ZNF514: variants seen among roughly 807,000 people sequenced by gnomAD.
ZNF514 encodes zinc finger protein 514.
In ZNF514, 12 loss-of-function variants were observed where a neutral mutation model predicts 9.7. The ratio of observed to expected loss-of-function variants is 1.24; its 90% CI spans 0.79 to 2.01. The LOEUF is 2.01. Ranked by LOEUF, ZNF514 falls within the 30% of genes most tolerant of loss-of-function variation. ZNF514 has a pLI of 0.00. For synonymous variants in ZNF514, 158 were observed against 163.7 expected, an observed-to-expected ratio of 0.97 and a Z score of 0.27; for missense variants, 467 against 465.5, an observed-to-expected ratio of 1.00 and a Z score of -0.03.
chr2:95,123,521 T>C, the ZNF514 span, among the ~76,000 whole-genome samples: 8 of 152,292 alleles, frequency 5.3e-5, 1 homozygote, highest in Admixed American at 5.2e-4. Flanking sequence ...GCTGTCCACT[T>C]TCAGGTGATA....
downstream of ZNF514, among the ~76,000 whole-genome samples, chr2:95,141,817 C>T (rs1030776957): frequency 6.6e-6 from 1 of 152,126 alleles, no homozygotes; most frequent in Non-Finnish European, 1.5e-5. Flanking sequence ...AGAATTGACA[C>T]AACAAGATGG....
the ZNF514 span, among the ~76,000 whole-genome samples, chr2:95,135,930 C>T: frequency 2.0e-5 from 3 of 151,362 alleles, no homozygotes; most frequent in Admixed American, 1.3e-4. Flanking sequence ...ATTAGCCATG[C>T]GTGGTGGCCT....
chr2:95,146,686 G>A lies in ZNF514; in HGVS notation c.*2596C>T, dbSNP rs1249733403. ...AGGGCAGGACACTGGGTTCAAACTG[G>A]TAAGTATGGTTAATATGGCAAGGAT... On this transcript the variant is annotated 3_prime_UTR_variant, in exon 5 of 5. Transcript: ENST00000295208. Among the ~76,000 whole-genome samples, 30 of 150,732 alleles carry A rather than the reference G, an allele frequency of 2.0e-4. No homozygotes were observed. Among genetic ancestry groups the A allele is most frequent in the Admixed American group, 1.3e-3 (19 of 15,020 alleles).
chr2:95,128,608 G>C, the ZNF514 span, among the ~76,000 whole-genome samples: 1 of 150,544 alleles, frequency 6.6e-6, no homozygotes, highest in Non-Finnish European at 1.5e-5. Flanking sequence ...GGAGGGAGAA[G>C]AAGAAAGAAA....
At chr2:95,152,811 G>T (rs373120863) in intron 3 of ZNF514, 42 bp from the exon 4 acceptor site, 182 of 1,539,632 alleles carry the variant, frequency 1.2e-4, no homozygotes, top group Non-Finnish European at 1.6e-4. Flanking sequence ...GTGTGTGCCA[G>T]TGGCCAAGTC....
the ZNF514 span, among the ~76,000 whole-genome samples, chr2:95,139,764 G>A: frequency 6.6e-6 from 1 of 152,156 alleles, no homozygotes; most frequent in Non-Finnish European, 1.5e-5. Flanking sequence ...ATGAGATTTG[G>A]AGGGGGCCAA....
In ZNF514 at chr2:95,149,968, G is replaced by C; in HGVS notation, c.517C>G (p.Leu173Val). The C allele has an allele frequency of 6.2e-7, 1 of 1,614,208 alleles. No individual in the cohort carries two copies. Among genetic ancestry groups the C allele is most frequent in the Non-Finnish European group, 8.5e-7 (1 of 1,180,042 alleles). ...CATTTATAAGATCCTTCTCCCATGA[G>C]AATGCTGTGTTGGTTAACAAGGACT... ...RSVLVNQHSI[L>V]MGEGSYKCDT... The change falls in exon 5 of 5, where the codon CTC becomes GTC. Residue 173 changes from leucine to valine, a missense_variant. By Grantham distance (32) the Leu-to-Val change is conservative. Transcript: ENST00000295208.
the ZNF514 span, among the ~76,000 whole-genome samples, chr2:95,129,001 C>T: frequency 6.6e-6 from 1 of 152,162 alleles, no homozygotes; most frequent in Non-Finnish European, 1.5e-5. Flanking sequence ...TGTAGTATAC[C>T]AAGGAAATTC....
At chr2:95,138,720 A>G in the ZNF514 span, among the ~76,000 whole-genome samples, 4 of 152,242 alleles carry the variant, frequency 2.6e-5, no homozygotes, top group East Asian at 5.8e-4. Context: ...GCAGAGAAAG[A>G]AAAAGCTTTA....
At chr2:95,154,586 G>A (rs1225866541) in intron 2 of ZNF514, 2 of 152,216 alleles carry the variant, frequency 1.3e-5, no homozygotes, top group Non-Finnish European at 2.9e-5. Flanking sequence ...TATGAGAAGA[G>A]GCTGGAAACA....
chr2:95,146,102 A>G lies in ZNF514; in HGVS notation c.*3180T>C, dbSNP rs542032516. 6.6e-6 allele frequency among the ~76,000 whole-genome samples: 1 copy of G among 152,318 alleles called. No homozygotes were observed. Among genetic ancestry groups the G allele is most frequent in the African/African-American group, 2.4e-5 (1 of 41,570 alleles). On this transcript the variant is annotated 3_prime_UTR_variant, in exon 5 of 5. Coordinates refer to ENST00000295208, the MANE Select transcript of ZNF514 (RefSeq NM_032788.3). ...CAAAGAGTCTGTTTTTGTTAGTCTT[A>G]AGGTCTCTGTTTTAAGGCAAATGCT...
chr2:95,137,680 TG>T, the ZNF514 span, among the ~76,000 whole-genome samples: 120,639 of 152,150 alleles, frequency 0.79, 48,171 homozygotes, highest in African/African-American at 0.87. Flanking sequence ...ATTATATTAA[TG>T]GGGTTGAAGC....
chr2:95,146,036 T>C lies in ZNF514; in HGVS notation c.*3246A>G, dbSNP rs2104459052. ...TTAAATCTATTTTGGCGTAAAACAC[T>C]TTGATTTCTCTCAGGACTTACTGTC... On this transcript the variant is annotated 3_prime_UTR_variant, in exon 5 of 5. Transcript: ENST00000295208. Among the ~76,000 whole-genome samples, 1 of 152,362 alleles carries C rather than the reference T, an allele frequency of 6.6e-6. No homozygotes were observed. The highest frequency in any genetic ancestry group is 1.9e-4 in the East Asian group (1 of 5,184).
chr2:95,126,479 A>G, the ZNF514 span, among the ~76,000 whole-genome samples: 1 of 151,812 alleles, frequency 6.6e-6, no homozygotes, highest in Admixed American at 6.6e-5. Flanking sequence ...TATTCCTGCC[A>G]GCAATATGTG....
At chr2:95,130,786 C>A in the ZNF514 span, among the ~76,000 whole-genome samples, 1 of 152,120 alleles carries the variant, frequency 6.6e-6, no homozygotes, top group African/African-American at 2.4e-5. Context: ...ACATGCTGTA[C>A]AATTTTTGTA....
chr2:95,142,115 A>T (rs1235572214), downstream of ZNF514, among the ~76,000 whole-genome samples: 1 of 152,174 alleles, frequency 6.6e-6, no homozygotes, highest in African/African-American at 2.4e-5. Context: ...TTACATCAGA[A>T]CATGCTCATT....
intron 2 of ZNF514, chr2:95,154,371 T>C (rs1306035147): frequency 1.3e-5 from 2 of 152,260 alleles, no homozygotes; most frequent in African/African-American, 2.4e-5. Context: ...AACTAGCCTA[T>C]ACTGACTCCT....
chr2:95,138,306 C>A, the ZNF514 span, among the ~76,000 whole-genome samples: 7 of 152,210 alleles, frequency 4.6e-5, no homozygotes, highest in South Asian at 4.2e-4. Context: ...CAGAGGCAGA[C>A]AAGATGATGA....
At chr2:95,153,341 T>C in intron 2 of ZNF514, 82 bp from the exon 3 acceptor site, 2 of 1,435,630 alleles carry the variant, frequency 1.4e-6, no homozygotes, top group Admixed American at 1.9e-5. Flanking sequence ...GGGTCTCAGG[T>C]GAATCAGGCC....
Sources: allele counts gnomAD v4.1 joint callset (sites outside exome capture counted in the v4.1 genomes callset), GRCh38; gene constraint gnomAD v4.1.1; transcripts MANE v1.5; gene names NCBI Gene and HGNC (gene_info 2026-07-23, HGNC 2026-07-21).